Variants in PCDHGA8 observed in about 807,000 individuals in gnomAD.
PCDHGA8 encodes protocadherin gamma-A8.
In PCDHGA8, 45 loss-of-function variants were observed where a neutral mutation model predicts 59.2. The observed-to-expected ratio is 0.76, with a 90% confidence interval of 0.60 to 0.98. The LOEUF (loss-of-function observed/expected upper bound fraction) is 0.98. Ranked by LOEUF, PCDHGA8 falls within the 50% of genes least tolerant of loss-of-function variation. PCDHGA8 has a pLI of 0.00. For synonymous variants in PCDHGA8, 531 were observed against 519.0 expected (o/e 1.02, Z -0.32); for missense variants, 1,257 against 1,196.2 (o/e 1.05, Z -0.75).
rs748457785 is a variant in PCDHGA8 at position 141,489,197 on chromosome 5, A to G, written c.2425-5610A>G. On this transcript the variant is annotated intron_variant, in intron 1 of 3. Coordinates refer to ENST00000398604, the MANE Select transcript of PCDHGA8 (RefSeq NM_032088.2). This position sits in a 1 kb window ranked among gnomAD's most constrained non-coding sequence, Gnocchi z 4.5. ...TCCAAGCCCTGGGTCTACCTTGGAG[A>G]CAGGACAGCACAGACTTACTCTCCA... 7 of 1,391,050 alleles carry G rather than the reference A, an allele frequency of 5.0e-6. No individual in the cohort carries two copies. Among genetic ancestry groups the G allele is most frequent in the African/African-American group, 2.9e-5 (2 of 69,150 alleles). 86.2% of individuals were successfully genotyped at this position (1,391,050 alleles called of 1,614,324 possible).
intron 1 of PCDHGA8, chr5:141,396,148 A>G (rs1589277067): frequency 6.6e-6 from 1 of 152,328 alleles, no homozygotes; most frequent in South Asian, 2.1e-4. Context: ...AAGCTGATCA[A>G]TTCAATTAAA....
chr5:141,506,832 C>T (rs1398190563), intron 3 of PCDHGA8, among the ~76,000 whole-genome samples: 1 of 152,130 alleles, frequency 6.6e-6, no homozygotes, highest in African/African-American at 2.4e-5. Flanking sequence ...GAACTGATAG[C>T]CCTGCCCTCC....
At chr5:141,396,636 A>G (rs1206522598) in intron 1 of PCDHGA8, 1 of 152,050 alleles carries the variant, frequency 6.6e-6, no homozygotes, top group African/African-American at 2.4e-5. Context: ...AAAAAAAACT[A>G]ATATTAATAG....
In PCDHGA8 at chr5:141,392,763, A is replaced by G; in HGVS notation, c.-51A>G. On this transcript the variant is annotated 5_prime_UTR_variant, in exon 1 of 4. Transcript: ENST00000398604. ...TAGCTGCGGCAAGAAACTAAATAAGACCCATTTATGCACAGTGAAGATTCT... is the reference window on the plus strand; with the variant it reads ...TAGCTGCGGCAAGAAACTAAATAAGGCCCATTTATGCACAGTGAAGATTCT... The G allele has an allele frequency of 2.7e-6, 4 of 1,480,256 alleles. No homozygotes were observed. Among genetic ancestry groups the G allele is most frequent in the Non-Finnish European group, 3.6e-6 (4 of 1,115,848 alleles). The allele number at this position is 1,480,256 out of a possible 1,614,324, so 91.7% of individuals were successfully genotyped here.
chr5:141,457,694 C>T (rs891323419), intron 1 of PCDHGA8, among the ~76,000 whole-genome samples: 4 of 152,214 alleles, frequency 2.6e-5, no homozygotes, highest in Non-Finnish European at 5.9e-5. Context: ...TTTGGATTGG[C>T]TTTGATGAAA....
chr5:141,411,079 T>C (rs1178503371), intron 1 of PCDHGA8: 2 of 154,384 alleles, frequency 1.3e-5, no homozygotes, highest in African/African-American at 2.4e-5. Flanking sequence ...CAGAAACTCC[T>C]GTCCTCGTGA....
At chr5:141,403,645 A>G (rs2154534430) in intron 1 of PCDHGA8, 1 of 1,613,922 alleles carries the variant, frequency 6.2e-7, no homozygotes, top group South Asian at 1.1e-5. Flanking sequence ...TCCATGTGAC[A>G]GTGTTGGATA....
rs1561863226 is a variant in PCDHGA8, at chr5:141,432,653, C to T, written c.2424+37416C>T. On this transcript the variant is annotated intron_variant, in intron 1 of 3. Transcript: ENST00000398604. The surrounding 1 kb of genome is among the most constrained non-coding windows in gnomAD (Gnocchi z 6.0). Reference sequence around the variant, plus strand: ...GGGCGAGGTGCGCACGGCGCGAGCCCTGCTGGACAGAGACGCGCTCAAGCA... The same window carrying T: ...GGGCGAGGTGCGCACGGCGCGAGCCTTGCTGGACAGAGACGCGCTCAAGCA... 5 of 1,613,852 alleles carry T rather than the reference C, an allele frequency of 3.1e-6. No individual in the cohort carries two copies. In the South Asian group the frequency reaches 4.4e-5, roughly 14 times the overall value.
At chr5:141,462,335 A>G in intron 1 of PCDHGA8, among the ~76,000 whole-genome samples, 1 of 152,220 alleles carries the variant, frequency 6.6e-6, no homozygotes, top group East Asian at 1.9e-4. Context: ...ATTTAATTGT[A>G]TTGTGATCCA....
intron 1 of PCDHGA8, among the ~76,000 whole-genome samples, chr5:141,453,258 T>A (rs1336801456): frequency 1.6e-4 from 25 of 152,096 alleles, no homozygotes; most frequent in Admixed American, 1.6e-3. Flanking sequence ...GGGCTGCAAG[T>A]GCACACCACC....
At chr5:141,459,302 A>T (rs1401348885) in intron 1 of PCDHGA8, among the ~76,000 whole-genome samples, 1 of 152,210 alleles carries the variant, frequency 6.6e-6, no homozygotes, top group African/African-American at 2.4e-5. Flanking sequence ...CCTATAACAT[A>T]TACTATTTTG....
rs2093142772 is a variant in PCDHGA8 at position 141,394,982 on chromosome 5, C to CCTGCTCCA, written c.2170_2177dup (p.Gln726HisfsTer11). On this transcript the variant is annotated frameshift_variant, in exon 1 of 4. Transcript: ENST00000398604. LOFTEE classifies it high-confidence loss of function. ...GGCTGAGGCGCTGGCACAAGTCACG[C>CCTGCTCCA]CTGCTCCAGGATTCCGGTGGCAGAT... The CCTGCTCCA allele has an allele frequency of 1.2e-6, 2 of 1,613,866 alleles. No individual in the cohort carries two copies. Among genetic ancestry groups the CCTGCTCCA allele is most frequent in the South Asian group, 2.2e-5 (2 of 91,084 alleles).
At chr5:141,460,536 G>T (rs911670681) in intron 1 of PCDHGA8, among the ~76,000 whole-genome samples, 1 of 152,092 alleles carries the variant, frequency 6.6e-6, no homozygotes, top group African/African-American at 2.4e-5. Context: ...AATAATCTTA[G>T]CACCTTAATC....
intron 1 of PCDHGA8, chr5:141,430,875 T>C: frequency 6.3e-7 from 1 of 1,599,398 alleles, no homozygotes; most frequent in Non-Finnish European, 8.5e-7. Context: ...CCGGAAGAGC[T>C]GGAGAAAGGC....
chr5:141,399,830 C>G (rs1304936728), intron 1 of PCDHGA8: 1 of 1,613,192 alleles, frequency 6.2e-7, no homozygotes. Flanking sequence ...CCCGACGGCT[C>G]TGCGCTCTTC....
rs2099455203 is a variant in PCDHGA8 at position 141,478,427 on chromosome 5, C to T, written c.2425-16380C>T. The T allele has an allele frequency of 1.9e-6, 3 of 1,613,742 alleles. No individual in the cohort carries two copies. Among genetic ancestry groups the T allele is most frequent in the Non-Finnish European group, 2.5e-6 (3 of 1,180,014 alleles). On this transcript the variant is annotated intron_variant, in intron 1 of 3. Coordinates refer to ENST00000398604, the MANE Select transcript of PCDHGA8 (RefSeq NM_032088.2). ...CACCACGGACTCCCGCCGCAGCGAC[C>T]CGCTGCTGAAGAAACCTGGTGCAGC...
intron 1 of PCDHGA8, chr5:141,413,577 T>C (rs752007520): frequency 2.5e-6 from 4 of 1,613,836 alleles, no homozygotes; most frequent in Non-Finnish European, 3.4e-6. Context: ...ATGACAATGC[T>C]CCAAAATTCC....
At chr5:141,399,915 C>T in intron 1 of PCDHGA8, 1 of 1,612,364 alleles carries the variant, frequency 6.2e-7, no homozygotes, top group Non-Finnish European at 8.5e-7. Flanking sequence ...ACTCAGGACA[C>T]AACGCCTGGC....
intron 1 of PCDHGA8, among the ~76,000 whole-genome samples, chr5:141,425,103 A>G (rs894147422): frequency 1.3e-5 from 2 of 152,202 alleles, no homozygotes; most frequent in Non-Finnish European, 2.9e-5. Flanking sequence ...CTTCCAACAG[A>G]TGCCTACATT....
Sources: gnomAD v4.1 joint callset for allele counts (sites outside exome capture counted in the v4.1 genomes callset) on GRCh38, gnomAD v4.1.1 for gene constraint, Gnocchi (gnomAD v3.1) non-coding constraint, MANE v1.5 for transcripts, NCBI Gene and HGNC (gene_info 2026-07-23, HGNC 2026-07-21) for gene names.